The following ASAP2 variants were observed in gnomAD, a reference collection of about 807,000 sequenced individuals.
The protein encoded by ASAP2 is arf-GAP with SH3 domain, ANK repeat and PH domain-containing protein 2.
ASAP2 carries 45 observed loss-of-function variants against 131.4 expected under a neutral mutation model. That is an observed-to-expected ratio of 0.34 (90% CI 0.27 to 0.44). The LOEUF (loss-of-function observed/expected upper bound fraction) is 0.44. Among genes scored for constraint, ASAP2 ranks in the 20% least tolerant of loss-of-function variants. The pLI, the probability that ASAP2 is intolerant of heterozygous loss-of-function variation, is 1.00. For synonymous variants in ASAP2, 510 were observed against 503.0 expected, an observed-to-expected ratio of 1.01 and a Z score of -0.19; for missense variants, 1,011 against 1,297.0, an observed-to-expected ratio of 0.78 and a Z score of 3.39.
In ASAP2 at chr2:9,380,616, G is replaced by T. The variant is rs574906928; in HGVS notation, c.1949-125G>T. On this transcript the variant is annotated intron_variant, in intron 19 of 27. Transcript: ENST00000281419. ...CCTCGACTAGGTCAAACTCACTGTG[G>T]ATTTCATTAACCAGGCCCAATTTAA... 7.6e-5 allele frequency: 67 copies of T among 880,660 alleles called. No homozygotes were observed. The South Asian group carries it at 8.7e-4, about 11-fold the overall frequency. 54.6% of individuals were successfully genotyped at this position (880,660 alleles called of 1,614,324 possible). A position where few individuals can be genotyped will look rare whatever the true frequency, so the allele number is the denominator to read the frequency against.
intron 15 of ASAP2, among the ~76,000 whole-genome samples, chr2:9,365,035 G>C (rs551865084): frequency 6.6e-6 from 1 of 152,072 alleles, no homozygotes; most frequent in Non-Finnish European, 1.5e-5. Flanking sequence ...AAGTCTATCA[G>C]AAAAAATTGA....
At chr2:9,368,618 G>A (rs1473955247) in intron 16 of ASAP2, 99 bp downstream of exon 16, 14 of 965,430 alleles carry the variant, frequency 1.5e-5, no homozygotes, top group African/African-American at 6.4e-5. Context: ...TGCATCCATC[G>A]TTGCTTCTTT....
chr2:9,334,782 C>G lies in ASAP2; in HGVS notation c.731C>G (p.Ser244Cys). The G allele has an allele frequency of 6.2e-7, 1 of 1,614,170 alleles. No homozygotes were observed. The highest frequency in any genetic ancestry group is 8.5e-7 in the Non-Finnish European group (1 of 1,180,004). ...GLKAVESLKP[S>C]IETLSTDLHT... ...AAAGCCGTGGAAAGCCTCAAACCTT[C>G]CATTGAAACGCTGTCTACGGATCTT... The change falls in exon 8 of 28, where the codon TCC becomes TGC. Residue 244 changes from serine to cysteine, a missense_variant. By Grantham distance (112) the Ser-to-Cys change is moderately radical. This residue lies in a region of ASAP2 where 359 missense variants were observed against 598.1 expected (regional missense o/e 0.60). Transcript: ENST00000281419.
At chr2:9,252,553 G>A (rs548578517) in intron 1 of ASAP2, among the ~76,000 whole-genome samples, 93 of 151,002 alleles carry the variant, frequency 6.2e-4, no homozygotes, top group South Asian at 4.4e-3. Flanking sequence ...CAGCCTGGGC[G>A]ACAAAGTGAG....
chr2:9,315,409 G>A (rs1352534160), intron 3 of ASAP2, among the ~76,000 whole-genome samples: 2 of 152,204 alleles, frequency 1.3e-5, no homozygotes, highest in African/African-American at 4.8e-5. Flanking sequence ...GTCTGCGTAT[G>A]TAGGGTTAAG....
intron 24 of ASAP2, 41 bp downstream of exon 24, chr2:9,393,688 C>T: frequency 6.5e-7 from 1 of 1,530,852 alleles, no homozygotes; most frequent in Non-Finnish European, 8.8e-7. Context: ...GTGCTCCTGC[C>T]CTCTGACCTC....
chr2:9,304,620 G>C, intron 3 of ASAP2, among the ~76,000 whole-genome samples: 1 of 151,284 alleles, frequency 6.6e-6, no homozygotes, highest in Non-Finnish European at 1.5e-5. Context: ...GGAGAGGCTG[G>C]AGTAGTGGAG....
chr2:9,237,307 A>G (rs771573131), intron 1 of ASAP2, among the ~76,000 whole-genome samples: 2 of 152,060 alleles, frequency 1.3e-5, no homozygotes, highest in African/African-American at 4.8e-5. Flanking sequence ...GACATTTCTC[A>G]TTTACATTGT....
intron 15 of ASAP2, among the ~76,000 whole-genome samples, chr2:9,365,059 T>A (rs1161930810): frequency 1.3e-5 from 2 of 152,182 alleles, no homozygotes; most frequent in African/African-American, 4.8e-5. Flanking sequence ...CCAAAGCATG[T>A]ACTTACTTAC....
intron 1 of ASAP2, among the ~76,000 whole-genome samples, chr2:9,231,994 C>G (rs1161188140): frequency 6.6e-6 from 1 of 152,224 alleles, no homozygotes; most frequent in Non-Finnish European, 1.5e-5. Flanking sequence ...TGATCTGGCC[C>G]CTTCTCTCCA....
chr2:9,328,719 G>A (rs1337721225), intron 7 of ASAP2, among the ~76,000 whole-genome samples: 2 of 152,144 alleles, frequency 1.3e-5, no homozygotes, highest in Non-Finnish European at 2.9e-5. Flanking sequence ...CACTGATATA[G>A]ACAGGCCTCT....
chr2:9,212,383 G>A lies in ASAP2; in HGVS notation c.126+5153G>A, dbSNP rs145646637. Among the ~76,000 whole-genome samples the A allele has an allele frequency of 5.3e-3, 806 of 152,178 alleles. 4 individuals carry two copies. The highest frequency in any genetic ancestry group is 8.1e-3 in the Non-Finnish European group (548 of 68,004). On this transcript the variant is annotated intron_variant, in intron 1 of 27. Transcript: ENST00000281419. ...GTGAGGGAGGGCCTTATATGATGTC[G>A]TACCGTTGAGTCTTGAAGTCCAGGC...
chr2:9,386,259 T>C (rs1306877078), intron 21 of ASAP2, among the ~76,000 whole-genome samples: 1 of 152,158 alleles, frequency 6.6e-6, no homozygotes, highest in Non-Finnish European at 1.5e-5. Flanking sequence ...TTGGACTGTC[T>C]GCTCATGGAG....
intron 16 of ASAP2, among the ~76,000 whole-genome samples, chr2:9,373,071 TCAGC>T (rs1674106422): frequency 1.3e-5 from 2 of 151,878 alleles, no homozygotes; most frequent in South Asian, 4.2e-4. Flanking sequence ...CACACACAAG[TCAGC>T]CAGCACCGCA....
intron 8 of ASAP2, 128 bp from the exon 9 acceptor site, chr2:9,334,965 G>C (rs1035375211): frequency 7.4e-7 from 1 of 1,343,882 alleles, no homozygotes; most frequent in Non-Finnish European, 1.0e-6. Context: ...CTTGGTGGGA[G>C]GGAAGGTTTG....
chr2:9,325,277 A>T (rs1670408767), intron 6 of ASAP2, among the ~76,000 whole-genome samples: 1 of 152,212 alleles, frequency 6.6e-6, no homozygotes, highest in South Asian at 2.1e-4. Context: ...GTGGCAGAGA[A>T]ATCAGCGAGA....
intron 1 of ASAP2, among the ~76,000 whole-genome samples, chr2:9,208,690 G>A (rs1353889105): frequency 2.6e-5 from 4 of 152,170 alleles, no homozygotes; most frequent in Non-Finnish European, 5.9e-5. Context: ...TTAGCAGCAA[G>A]GCTTACAGAT....
At chr2:9,218,214 T>C (rs891244606) in intron 1 of ASAP2, among the ~76,000 whole-genome samples, 1 of 152,218 alleles carries the variant, frequency 6.6e-6, no homozygotes, top group Non-Finnish European at 1.5e-5. Flanking sequence ...TAGGTGTTCC[T>C]GTGAGTTTCC....
At chr2:9,238,141 A>G (rs576527539) in intron 1 of ASAP2, among the ~76,000 whole-genome samples, 1 of 152,276 alleles carries the variant, frequency 6.6e-6, no homozygotes, top group East Asian at 1.9e-4. Flanking sequence ...CTGACCCGCT[A>G]CCTACTGATC....
Sources: gnomAD v4.1 joint callset for allele counts (sites outside exome capture counted in the v4.1 genomes callset) on GRCh38, gnomAD v4.1.1 for gene constraint, gnomAD v4.1.1 regional missense constraint, MANE v1.5 for transcripts, NCBI Gene and HGNC (gene_info 2026-07-23, HGNC 2026-07-21) for gene names.